CPLX1: variants seen among roughly 807,000 people sequenced by gnomAD.
The protein encoded by CPLX1 is complexin 1.
CPLX1 carries 6 observed loss-of-function variants against 15.6 expected under a neutral mutation model. The ratio of observed to expected loss-of-function variants is 0.39; its 90% confidence interval spans 0.21 to 0.76. CPLX1 has a LOEUF of 0.76. Among genes scored for constraint, CPLX1 ranks in the 30% least tolerant of loss-of-function variants. The pLI, the probability that CPLX1 is intolerant of heterozygous loss-of-function variation, is 0.43. For missense variants in CPLX1, 242 were observed against 188.6 expected, an observed-to-expected ratio of 1.28 and a Z score of -1.66; for synonymous variants, 91 against 75.2, an observed-to-expected ratio of 1.21 and a Z score of -1.08.
intron 2 of CPLX1, among the ~76,000 whole-genome samples, chr4:797,203 G>C (rs1746359623): frequency 6.6e-6 from 1 of 152,198 alleles, no homozygotes; most frequent in Non-Finnish European, 1.5e-5. Context: ...CTTTGTAGTT[G>C]TCCATTACCT....
chr4:794,793 TGG>T (rs1746284981), intron 2 of CPLX1, among the ~76,000 whole-genome samples: 4 of 152,256 alleles, frequency 2.6e-5, no homozygotes, highest in African/African-American at 9.6e-5. Flanking sequence ...AAGGGGTTCC[TGG>T]CAGGGGTGGG....
chr4:792,961 T>C (rs1447798246), intron 2 of CPLX1, among the ~76,000 whole-genome samples: 1 of 152,154 alleles, frequency 6.6e-6, no homozygotes, highest in African/African-American at 2.4e-5. Context: ...TGTGTTTGTG[T>C]GTGCACCACG....
intron 2 of CPLX1, among the ~76,000 whole-genome samples, chr4:794,349 C>T (rs1269820154): frequency 1.3e-5 from 2 of 152,236 alleles, no homozygotes; most frequent in East Asian, 1.9e-4. Context: ...TTGCTGCCCT[C>T]GTCGCTGCTG....
At position 811,027 on chromosome 4, in the gene CPLX1, C is replaced by T. The variant is rs189498935; in HGVS notation, c.31+13465G>A. ...TTTCCCTTTTTTATAAGAGGTGGGACCTTGCTCTGTCACCCAGGCTGGAAT... is the reference window on the plus strand; with the variant it reads ...TTTCCCTTTTTTATAAGAGGTGGGATCTTGCTCTGTCACCCAGGCTGGAAT... On this transcript the variant is annotated intron_variant, in intron 2 of 3. Transcript: ENST00000304062. Among the ~76,000 whole-genome samples the T allele has an allele frequency of 1.5e-3, 230 of 151,460 alleles. 2 individuals carry two copies. The highest frequency in any genetic ancestry group is 7.0e-3 in the Middle Eastern group (2 of 284).
At chr4:787,081 G>T (rs1235674293) in intron 3 of CPLX1, 2 of 985,236 alleles carry the variant, frequency 2.0e-6, no homozygotes, top group Non-Finnish European at 2.4e-6. Context: ...GGCAGAGGTG[G>T]GGAGAAACAG....
rs186890821 is a variant in CPLX1, at chr4:803,962, C to T, written c.32-11354G>A. 5.9e-5 allele frequency among the ~76,000 whole-genome samples: 9 copies of T among 152,296 alleles called. No homozygotes were observed. In the East Asian group the frequency reaches 1.7e-3, roughly 29 times the overall value. The stretch of plus-strand genomic sequence containing the variant: ...CTGAGATTACAGGCGTGAGCCACCA[C>T]GCCTGGCCTCACGGTGCCTTTTCTA... On this transcript the variant is annotated intron_variant, in intron 2 of 3. Coordinates refer to ENST00000304062, the MANE Select transcript of CPLX1 (RefSeq NM_006651.4).
chr4:793,862 C>T (rs537433642), intron 2 of CPLX1, among the ~76,000 whole-genome samples: 1 of 152,338 alleles, frequency 6.6e-6, no homozygotes, highest in East Asian at 1.9e-4. Context: ...ACCAGCTGAG[C>T]CCATGCCTCG....
intron 2 of CPLX1, among the ~76,000 whole-genome samples, chr4:793,139 G>A (rs1746235676): frequency 6.6e-6 from 1 of 152,174 alleles, no homozygotes. Flanking sequence ...CGTCTTCTCT[G>A]GTCATGTGTC....
intron 2 of CPLX1, among the ~76,000 whole-genome samples, chr4:814,819 G>A (rs545612396): frequency 9.2e-5 from 14 of 152,356 alleles, no homozygotes; most frequent in African/African-American, 3.4e-4. Flanking sequence ...CAAGTGTCGT[G>A]TGTGAGGGGC....
At chr4:818,818 C>T (rs1029187963) in intron 2 of CPLX1, among the ~76,000 whole-genome samples, 7 of 152,228 alleles carry the variant, frequency 4.6e-5, no homozygotes, top group African/African-American at 7.2e-5. Context: ...GCTGGGCGCT[C>T]GGTCCGCAGG....
At chr4:788,298 C>A in intron 3 of CPLX1, 1 of 985,368 alleles carries the variant, frequency 1.0e-6, no homozygotes, top group Non-Finnish European at 1.2e-6. Context: ...AGGGCAGTCT[C>A]GGCACCTCTC....
At chr4:809,582 T>C (rs547025145) in intron 2 of CPLX1, among the ~76,000 whole-genome samples, 10 of 152,196 alleles carry the variant, frequency 6.6e-5, no homozygotes, top group Non-Finnish European at 1.0e-4. Context: ...TTCATGACCA[T>C]CACAAAGGTA....
chr4:805,312 C>T (rs1412859301), intron 2 of CPLX1, among the ~76,000 whole-genome samples: 12 of 152,318 alleles, frequency 7.9e-5, no homozygotes, highest in Non-Finnish European at 1.5e-4. Flanking sequence ...AGGTTCACAC[C>T]GAACCCAAAC....
chr4:786,750 C>T (rs1746005400), intron 3 of CPLX1, 52 bp from the exon 4 acceptor site: 14 of 1,535,072 alleles, frequency 9.1e-6, no homozygotes, highest in South Asian at 8.7e-5. Flanking sequence ...CCCGGGCGGG[C>T]CGCAGCCTCC....
At chr4:802,509 T>G (rs1265263662) in intron 2 of CPLX1, among the ~76,000 whole-genome samples, 1 of 152,170 alleles carries the variant, frequency 6.6e-6, no homozygotes, top group African/African-American at 2.4e-5. Context: ...CTAGAGATAT[T>G]ACAGGCCATT....
chr4:788,996 G>T (rs1479816958), intron 3 of CPLX1, among the ~76,000 whole-genome samples: 1 of 152,190 alleles, frequency 6.6e-6, no homozygotes, highest in Non-Finnish European at 1.5e-5. Context: ...CCTTCCTTCT[G>T]GGCCCAGGAA....
intron 2 of CPLX1, among the ~76,000 whole-genome samples, chr4:814,945 C>G (rs1746723853): frequency 6.6e-6 from 1 of 152,250 alleles, no homozygotes; most frequent in Non-Finnish European, 1.5e-5. Flanking sequence ...ACTGCCAGCT[C>G]TCACACACTG....
intron 2 of CPLX1, among the ~76,000 whole-genome samples, chr4:820,267 C>T (rs1197311383): frequency 6.6e-6 from 1 of 152,214 alleles, no homozygotes; most frequent in Non-Finnish European, 1.5e-5. Context: ...GCAGCTCCAT[C>T]GTCCTCCCAG....
intron 1 of CPLX1, chr4:824,859 C>A (rs2086211): frequency 6.0e-6 from 3 of 496,996 alleles, no homozygotes; most frequent in Non-Finnish European, 1.1e-5. Context: ...TAGGGGGCAT[C>A]GCTCAGAGGC....
Sources: allele counts gnomAD v4.1 joint callset (sites outside exome capture counted in the v4.1 genomes callset), GRCh38; gene constraint gnomAD v4.1.1; transcripts MANE v1.5; gene names NCBI Gene and HGNC (gene_info 2026-07-23, HGNC 2026-07-21).